Variants in PDXDC1 observed in about 807,000 individuals in gnomAD.
PDXDC1 encodes pyridoxal dependent decarboxylase domain containing 1.
Under a neutral mutation model 100.1 loss-of-function variants are expected in PDXDC1, and 42 were observed. That is an observed-to-expected ratio of 0.42 (90% confidence interval 0.33 to 0.54). The LOEUF (loss-of-function observed/expected upper bound fraction) is 0.54. Ranked by LOEUF, PDXDC1 falls within the 20% of genes least tolerant of loss-of-function variation. PDXDC1 has a pLI of 0.10. For missense variants in PDXDC1, 636 were observed against 979.2 expected, an observed-to-expected ratio of 0.65 and a Z score of 4.68; for synonymous variants, 260 against 371.7, an observed-to-expected ratio of 0.70 and a Z score of 3.46.
intron 16 of PDXDC1, chr16:15,131,602 G>T (rs1271946449): frequency 1.2e-6 from 2 of 1,603,540 alleles, no homozygotes; most frequent in African/African-American, 1.4e-5. Flanking sequence ...GAGGGCAGAG[G>T]TCAGGTTGTA....
At chr16:15,131,055 G>C in intron 16 of PDXDC1, 1 of 1,582,098 alleles carries the variant, frequency 6.3e-7, no homozygotes. Context: ...ACAAGGCCAG[G>C]GGGCCGCGTG....
chr16:15,088,024 G>T (rs2045977227), intron 16 of PDXDC1, among the ~76,000 whole-genome samples: 3 of 151,900 alleles, frequency 2.0e-5, no homozygotes, highest in African/African-American at 7.3e-5. Flanking sequence ...TGAGGCAGGA[G>T]AATTGCTTAA....
chr16:15,094,099 T>C, intron 16 of PDXDC1: 1 of 1,522,090 alleles, frequency 6.6e-7, no homozygotes, highest in Non-Finnish European at 9.0e-7. Context: ...AGCGCCGTCC[T>C]GAGCTTTCGT....
At chr16:15,054,476 T>C (rs1314988828) in intron 16 of PDXDC1, among the ~76,000 whole-genome samples, 1 of 152,190 alleles carries the variant, frequency 6.6e-6, no homozygotes, top group African/African-American at 2.4e-5. Context: ...GCGGCTGAAA[T>C]TATTTTTCCT....
At chr16:15,081,816 CT>C (rs2045715873) in intron 16 of PDXDC1, among the ~76,000 whole-genome samples, 1 of 152,136 alleles carries the variant, frequency 6.6e-6, no homozygotes, top group African/African-American at 2.4e-5. Flanking sequence ...TCATGTAGGG[CT>C]TTTATTGAGT....
intron 16 of PDXDC1, among the ~76,000 whole-genome samples, chr16:15,132,399 G>C (rs1258052614): frequency 1.1e-5 from 1 of 89,614 alleles, no homozygotes; most frequent in African/African-American, 4.4e-5. Flanking sequence ...GGTTAGGGGA[G>C]GGAAGGGGCA....
At chr16:15,056,343 C>A (rs952715769) in intron 16 of PDXDC1, among the ~76,000 whole-genome samples, 5 of 152,212 alleles carry the variant, frequency 3.3e-5, no homozygotes, top group Admixed American at 3.3e-4. Context: ...AGCCTCCGGG[C>A]GAGTTCCTGG....
At chr16:15,039,287 A>ATGTT (rs796437564), downstream of PDXDC1, among the ~76,000 whole-genome samples, 2 of 152,314 alleles carry the variant, frequency 1.3e-5, no homozygotes, top group African/African-American at 4.8e-5. Flanking sequence ...AGTCCTAAAA[A>ATGTT]TGTTAAAAGG....
At chr16:15,060,166 C>G in intron 16 of PDXDC1, 1 of 424,592 alleles carries the variant, frequency 2.4e-6, no homozygotes, top group South Asian at 1.8e-5. Flanking sequence ...TGTCTTTCTA[C>G]ATTAAAACTA....
chr16:15,065,811 G>A (rs2044945756), intron 16 of PDXDC1, among the ~76,000 whole-genome samples: 1 of 152,154 alleles, frequency 6.6e-6, no homozygotes, highest in African/African-American at 2.4e-5. Context: ...ATAGTGGTTG[G>A]TGAAGAGACT....
chr16:14,980,788 C>T (rs1967790522), intron 1 of PDXDC1, among the ~76,000 whole-genome samples: 4 of 152,276 alleles, frequency 2.6e-5, no homozygotes, highest in South Asian at 2.1e-4. Context: ...TTAATAGAGA[C>T]GGGGTTTCGC....
intron 12 of PDXDC1, among the ~76,000 whole-genome samples, chr16:15,020,975 A>AAAC (rs370903249): frequency 5.5e-5 from 8 of 145,838 alleles, no homozygotes; most frequent in African/African-American, 2.0e-4. Context: ...GCACCATCTA[A>AAAC]ACACACACAC....
chr16:15,065,081 G>A (rs1359665593), intron 16 of PDXDC1: 3 of 785,868 alleles, frequency 3.8e-6, no homozygotes, highest in Non-Finnish European at 6.1e-6. Flanking sequence ...CAGGAGAATG[G>A]TGTGAACCCG....
chr16:15,109,136 T>C lies in PDXDC1; in HGVS notation c.1400-29743T>C, dbSNP rs886960017. 7 of 148,368 alleles carry C rather than the reference T, an allele frequency of 4.7e-5. 1 individual carries two copies. The highest frequency in any genetic ancestry group is 1.5e-4 in the African/African-American group (6 of 40,966). 9.2% of individuals were successfully genotyped at this position (148,368 alleles called of 1,614,324 possible). A position where few individuals can be genotyped will look rare whatever the true frequency, so the allele number is the denominator to read the frequency against. On this transcript the variant is annotated intron_variant, in intron 16 of 16. Transcript: ENST00000535621. ...TCATTGCTAAATATTTTTTAACAAG[T>C]ATCTCACATTTAACAAAAAAAGATC...
chr16:15,096,054 G>A (rs1424914406), intron 16 of PDXDC1, among the ~76,000 whole-genome samples: 2 of 151,988 alleles, frequency 1.3e-5, no homozygotes, highest in African/African-American at 4.8e-5. Context: ...CTCCAGCCTG[G>A]ACAACACAGC....
chr16:15,146,101 C>T, the PDXDC1 span, among the ~76,000 whole-genome samples: 5 of 152,040 alleles, frequency 3.3e-5, no homozygotes, highest in Admixed American at 6.5e-5. Flanking sequence ...CATTTGGCAG[C>T]GGTGCCCGGC....
rs1034359848 is a variant in PDXDC1 at position 14,989,907 on chromosome 16, A to G, written c.22-7846A>G. On this transcript the variant is annotated intron_variant, in intron 1 of 22. Transcript: ENST00000396410. ...CACCAGGGCCGGCACTCCAGGGCCC[A>G]GCGGTACCGCCTCGCCGCGCTCCCG... 7.2e-6 allele frequency: 11 copies of G among 1,531,210 alleles called. No homozygotes were observed. In the Admixed American group the frequency reaches 9.9e-5, roughly 14 times the overall value. The allele number at this position is 1,531,210 out of a possible 1,614,324, so 94.9% of individuals were successfully genotyped here.
chr16:15,129,992 T>G, intron 16 of PDXDC1: 2 of 1,112,496 alleles, frequency 1.8e-6, no homozygotes, highest in Non-Finnish European at 2.7e-6. Context: ...GTCCAGCTTG[T>G]GCAGGATGGC....
intron 16 of PDXDC1, among the ~76,000 whole-genome samples, chr16:15,077,371 T>TC (rs1396396097): frequency 1.3e-5 from 2 of 152,062 alleles, no homozygotes; most frequent in Admixed American, 1.3e-4. Flanking sequence ...AGGGTAGGTT[T>TC]CCCCCATACT....
Sources: gnomAD v4.1 joint callset for allele counts (sites outside exome capture counted in the v4.1 genomes callset) on GRCh38, gnomAD v4.1.1 for gene constraint, MANE v1.5 for transcripts, NCBI Gene and HGNC (gene_info 2026-07-23, HGNC 2026-07-21) for gene names.